Variants in SNX10 observed in about 807,000 individuals in gnomAD.
SNX10 encodes sorting nexin-10.
SNX10 carries 25 observed loss-of-function variants against 28.5 expected under a neutral mutation model. The ratio of observed to expected loss-of-function variants is 0.88; its 90% confidence interval spans 0.64 to 1.22. The LOEUF is 1.22. Ranked by LOEUF, SNX10 falls within the 50% of genes most tolerant of loss-of-function variation. The probability of loss-of-function intolerance (pLI) is 0.00; values close to 1 mark genes in which losing one functional copy is unlikely to be tolerated. For synonymous variants in SNX10, 62 were observed against 81.4 expected (o/e 0.76, Z 1.28); for missense variants, 223 against 242.6 (o/e 0.92, Z 0.54).
At position 26,334,625 on chromosome 7, in the gene SNX10, A is replaced by G. The variant is rs77853409; in HGVS notation, c.-23-11795A>G. On this transcript the variant is annotated intron_variant, in intron 1 of 6. Coordinates refer to ENST00000338523, the MANE Select transcript of SNX10 (RefSeq NM_013322.3). ...TTGGCCTACTATCAAGTTCATGACC[A>G]TAAATGGAACTTGTATGTCATAGAG... Among the ~76,000 whole-genome samples the G allele has an allele frequency of 6.3e-3, 960 of 152,342 alleles. 9 individuals carry two copies. The highest frequency in any genetic ancestry group is 0.022 in the African/African-American group (912 of 41,574).
chr7:26,319,281 A>C (rs560238761), intron 1 of SNX10, among the ~76,000 whole-genome samples: 1 of 129,958 alleles, frequency 7.7e-6, no homozygotes, highest in Admixed American at 7.3e-5. Context: ...AACAACTGAA[A>C]ATTAAATATA....
rs571271519 is a variant in SNX10 at position 26,326,169 on chromosome 7, C to G, written c.-23-20251C>G. ...TTATGCCATTTCGTTAACGAGAAAA[C>G]GTCGAACAAATTAGTTCTTCCCTTG... On this transcript the variant is annotated intron_variant, in intron 1 of 6. Coordinates refer to ENST00000338523, the MANE Select transcript of SNX10 (RefSeq NM_013322.3). Among the ~76,000 whole-genome samples, 73 of 152,262 alleles carry G rather than the reference C, an allele frequency of 4.8e-4. 1 individual carries two copies. In the South Asian group the frequency reaches 0.015, roughly 31 times the overall value.
At chr7:26,337,804 T>A (rs1189169770) in intron 1 of SNX10, among the ~76,000 whole-genome samples, 2 of 152,366 alleles carry the variant, frequency 1.3e-5, no homozygotes, top group East Asian at 3.9e-4. Flanking sequence ...GAGAGCCTGC[T>A]TTCAGCTCTT....
Position 26,364,515 on chromosome 7 carries a change from T to C in SNX10, c.112-20T>C, listed in dbSNP as rs1462831626. On this transcript the variant is annotated intron_variant, in intron 3 of 6. Coordinates refer to ENST00000338523, the MANE Select transcript of SNX10 (RefSeq NM_013322.3). The surrounding 1 kb of genome is among the most constrained non-coding windows in gnomAD (Gnocchi z 4.9). Reference sequence around the variant, plus strand: ...TTTTTTTCCTCAGGTAAGACTCATTTTTCTACTTTCTCTGTACAGACTAAT... The same window carrying C: ...TTTTTTTCCTCAGGTAAGACTCATTCTTCTACTTTCTCTGTACAGACTAAT... 2 of 1,593,272 alleles carry C rather than the reference T, an allele frequency of 1.3e-6. No individual in the cohort carries two copies. The highest frequency in any genetic ancestry group is 2.3e-5 in the South Asian group (2 of 88,280).
At chr7:26,341,949 C>CT (rs1227480338) in intron 1 of SNX10, among the ~76,000 whole-genome samples, 21 of 148,378 alleles carry the variant, frequency 1.4e-4, no homozygotes, top group East Asian at 4.0e-4. Context: ...CTTCCCTTCC[C>CT]TCCCCTCCCC....
At chr7:26,298,597 T>A (rs1264457018) in intron 1 of SNX10, among the ~76,000 whole-genome samples, 1 of 152,224 alleles carries the variant, frequency 6.6e-6, no homozygotes, top group African/African-American at 2.4e-5. Context: ...ACCTTATCCC[T>A]CTGAAATACT....
chr7:26,314,291 T>G (rs992345124), intron 1 of SNX10, among the ~76,000 whole-genome samples: 6 of 151,702 alleles, frequency 4.0e-5, no homozygotes, highest in Non-Finnish European at 8.8e-5. Context: ...GGAGTCTCAC[T>G]CTGTTGCCCA....
intron 1 of SNX10, among the ~76,000 whole-genome samples, chr7:26,301,782 G>A (rs1786377758): frequency 1.3e-5 from 2 of 152,164 alleles, no homozygotes; most frequent in Non-Finnish European, 2.9e-5. Context: ...TGAACAAATG[G>A]AGGAGACAGG....
At chr7:26,319,571 T>C (rs1787229871) in intron 1 of SNX10, among the ~76,000 whole-genome samples, 1 of 152,236 alleles carries the variant, frequency 6.6e-6, no homozygotes, top group Non-Finnish European at 1.5e-5. Context: ...TCTGATATCA[T>C]TACAAACATA....
intron 1 of SNX10, among the ~76,000 whole-genome samples, chr7:26,292,301 A>G (rs1785955440): frequency 6.6e-6 from 1 of 152,154 alleles, no homozygotes; most frequent in Non-Finnish European, 1.5e-5. Flanking sequence ...TCAGCGCGGT[A>G]GAGCGGGGAG....
chr7:26,358,309 T>C (rs947284888), intron 2 of SNX10, among the ~76,000 whole-genome samples: 19 of 152,250 alleles, frequency 1.2e-4, no homozygotes, highest in Non-Finnish European at 2.6e-4. Flanking sequence ...GAATCTGCTT[T>C]ATCACACTGT....
intron 1 of SNX10, among the ~76,000 whole-genome samples, chr7:26,298,223 A>C (rs1786186814): frequency 1.3e-5 from 2 of 152,236 alleles, no homozygotes; most frequent in South Asian, 2.1e-4. Flanking sequence ...TCAGTCTCAA[A>C]AAAAAGGGCA....
chr7:26,336,251 AT>A (rs1199813540), intron 1 of SNX10, among the ~76,000 whole-genome samples: 1 of 152,188 alleles, frequency 6.6e-6, no homozygotes, highest in East Asian at 1.9e-4. Flanking sequence ...ATGCACTGTA[AT>A]CTTTTGGCGA....
intron 1 of SNX10, among the ~76,000 whole-genome samples, chr7:26,328,817 A>G (rs1243618192): frequency 6.6e-6 from 1 of 152,214 alleles, no homozygotes; most frequent in Non-Finnish European, 1.5e-5. Context: ...CTTCTCCTGC[A>G]ACATGTCTCA....
intron 1 of SNX10, among the ~76,000 whole-genome samples, chr7:26,335,481 T>A (rs187682057): frequency 3.4e-4 from 52 of 152,244 alleles, no homozygotes; most frequent in African/African-American, 1.2e-3. Context: ...TGGACTGACT[T>A]CTTTCGAGTC....
At chr7:26,294,636 A>G (rs73683280) in intron 1 of SNX10, among the ~76,000 whole-genome samples, 45 of 152,312 alleles carry the variant, frequency 3.0e-4, no homozygotes, top group African/African-American at 1.1e-3. Context: ...CCATCAGAGT[A>G]TTTATGATTT....
At chr7:26,297,779 C>G (rs533111887) in intron 1 of SNX10, among the ~76,000 whole-genome samples, 1 of 152,146 alleles carries the variant, frequency 6.6e-6, no homozygotes, top group African/African-American at 2.4e-5. Flanking sequence ...GCACCTCTGC[C>G]GCCTCTCTCT....
At position 26,364,360 on chromosome 7, in the gene SNX10, CTGTTA is replaced by C; in HGVS notation, c.112-170_112-166del. ...TCCATCATCCTGGCTGTCTTCAGGG[CTGTTA>C]TGTTCCTGGGTTATGTGCAAGATTT... On this transcript the variant is annotated intron_variant, in intron 3 of 6. Coordinates refer to ENST00000338523, the MANE Select transcript of SNX10 (RefSeq NM_013322.3). This position sits in a 1 kb window ranked among gnomAD's most constrained non-coding sequence, Gnocchi z 4.9. The C allele has an allele frequency of 1.5e-6, 2 of 1,346,060 alleles. No individual in the cohort carries two copies. The highest frequency in any genetic ancestry group is 6.4e-5 in the Admixed American group (2 of 31,308). 83.4% of individuals were successfully genotyped at this position (1,346,060 alleles called of 1,614,324 possible).
Position 26,309,673 on chromosome 7 carries a change from C to T in SNX10, c.-24+17587C>T, listed in dbSNP as rs537019230. On this transcript the variant is annotated intron_variant, in intron 1 of 6. Coordinates refer to ENST00000338523, the MANE Select transcript of SNX10 (RefSeq NM_013322.3). ...CCTAAAGCATTTGAGCCGTTAGTAA[C>T]TCACTTTGGGTTGGTATTTTTCACT... Among the ~76,000 whole-genome samples the T allele has an allele frequency of 4.0e-3, 604 of 152,276 alleles. 1 individual carries two copies. Among genetic ancestry groups the T allele is most frequent in the South Asian group, 8.3e-3 (40 of 4,830 alleles).
Sources: gnomAD v4.1 joint callset for allele counts (sites outside exome capture counted in the v4.1 genomes callset) on GRCh38, gnomAD v4.1.1 for gene constraint, Gnocchi (gnomAD v3.1) non-coding constraint, MANE v1.5 for transcripts, NCBI Gene and HGNC (gene_info 2026-07-23, HGNC 2026-07-21) for gene names.